Variants in TMEM163 observed in about 807,000 individuals in gnomAD.
The protein encoded by TMEM163 is transmembrane protein 163.
TMEM163 carries 17 observed loss-of-function variants against 29.3 expected under a neutral mutation model. That is an observed-to-expected ratio of 0.58 (90% CI 0.40 to 0.87). The LOEUF is 0.87. TMEM163 is among the 40% of genes least tolerant of loss of function. TMEM163 has a pLI of 0.00. For missense variants in TMEM163, 303 were observed against 381.5 expected, an observed-to-expected ratio of 0.79 and a Z score of 1.71; for synonymous variants, 157 against 160.6, an observed-to-expected ratio of 0.98 and a Z score of 0.17.
chr2:134,657,759 C>T lies in TMEM163; in HGVS notation c.322+55441G>A, dbSNP rs888476993. Reference sequence around the variant, plus strand: ...CGGAGGTTGCAGTGAGCCAAGATCGCGCCATTGCACTCCAGCCTAGGCAAC... The same window carrying T: ...CGGAGGTTGCAGTGAGCCAAGATCGTGCCATTGCACTCCAGCCTAGGCAAC... On this transcript the variant is annotated intron_variant, in intron 2 of 7. Coordinates refer to ENST00000281924, the MANE Select transcript of TMEM163 (RefSeq NM_030923.5). Among the ~76,000 whole-genome samples, 8 of 152,114 alleles carry T rather than the reference C, an allele frequency of 5.3e-5. No homozygotes were observed. The East Asian group carries it at 1.2e-3, about 22-fold the overall frequency.
At chr2:134,516,778 T>TGAATA (rs375773966) in intron 4 of TMEM163, among the ~76,000 whole-genome samples, 1 of 70,730 alleles carries the variant, frequency 1.4e-5, no homozygotes, top group Non-Finnish European at 2.4e-5. Flanking sequence ...TGCATATCTA[T>TGAATA]TCATATATAT....
chr2:134,522,859 CG>C (rs745947077), intron 4 of TMEM163, among the ~76,000 whole-genome samples: 5 of 152,064 alleles, frequency 3.3e-5, no homozygotes, highest in Admixed American at 1.3e-4. Context: ...AAACAAGGGG[CG>C]GGGGGAAAAA....
intron 2 of TMEM163, among the ~76,000 whole-genome samples, chr2:134,568,924 T>C (rs955553909): frequency 6.6e-6 from 1 of 151,958 alleles, no homozygotes; most frequent in Non-Finnish European, 1.5e-5. Context: ...AGAACAAACA[T>C]GAAAGATAAC....
intron 2 of TMEM163, among the ~76,000 whole-genome samples, chr2:134,624,450 G>A (rs1008454243): frequency 6.6e-6 from 1 of 152,120 alleles, no homozygotes; most frequent in Non-Finnish European, 1.5e-5. Flanking sequence ...CACACACTGG[G>A]ATCTATGGAG....
chr2:134,456,894 G>A, intron 7 of TMEM163, 118 bp from the exon 8 acceptor site: 1 of 1,046,074 alleles, frequency 9.6e-7, no homozygotes, highest in Non-Finnish European at 1.4e-6. Flanking sequence ...TTCACCCTAT[G>A]TGGCTCGGTG....
At chr2:134,716,342 T>C (rs1685036913) in intron 1 of TMEM163, among the ~76,000 whole-genome samples, 1 of 152,236 alleles carries the variant, frequency 6.6e-6, no homozygotes, top group Admixed American at 6.5e-5. Flanking sequence ...GTTACTGACA[T>C]TCTGAGCTAG....
intron 4 of TMEM163, among the ~76,000 whole-genome samples, chr2:134,506,024 A>G (rs1023466519): frequency 4.6e-5 from 7 of 152,108 alleles, no homozygotes; most frequent in African/African-American, 1.7e-4. Flanking sequence ...TGGGGATGGG[A>G]GGAGGAAAGA....
chr2:134,714,900 C>T (rs1234393039), intron 1 of TMEM163, among the ~76,000 whole-genome samples: 1 of 152,190 alleles, frequency 6.6e-6, no homozygotes, highest in East Asian at 1.9e-4. Context: ...CCACACTATT[C>T]CAGTTTTCAA....
chr2:134,517,821 A>C (rs1389666508), intron 4 of TMEM163, among the ~76,000 whole-genome samples: 2 of 152,220 alleles, frequency 1.3e-5, no homozygotes, highest in Admixed American at 1.3e-4. Flanking sequence ...TTGCATAACC[A>C]AAATGTAAGA....
intron 2 of TMEM163, among the ~76,000 whole-genome samples, chr2:134,700,438 G>C (rs929997066): frequency 1.3e-5 from 2 of 152,168 alleles, no homozygotes; most frequent in African/African-American, 4.8e-5. Flanking sequence ...CTCTGATGTA[G>C]AGTTCGATTC....
At chr2:134,529,189 C>T (rs781192773) in intron 4 of TMEM163, among the ~76,000 whole-genome samples, 52 of 151,166 alleles carry the variant, frequency 3.4e-4, no homozygotes, top group East Asian at 2.0e-4. Flanking sequence ...AAATTAGCTG[C>T]GCCTGGTGGT....
chr2:134,457,909 T>C, intron 7 of TMEM163, 123 bp downstream of exon 7: 1 of 1,492,554 alleles, frequency 6.7e-7, no homozygotes. Context: ...CTGGTCAGGC[T>C]CAGGAGGGGC....
chr2:134,593,496 C>T (rs920754190), intron 2 of TMEM163, among the ~76,000 whole-genome samples: 1 of 152,166 alleles, frequency 6.6e-6, no homozygotes, highest in African/African-American at 2.4e-5. Flanking sequence ...TAAAAAGGCA[C>T]ATGCCCCGCT....
Position 134,592,494 on chromosome 2 carries a change from T to C in TMEM163, c.323-40403A>G, listed in dbSNP as rs554368714. Reference sequence around the variant, plus strand: ...AGAGTCAGGTTGGAATTTAGTATCTTATGGCCACAAAGAATCTGTTTTGTC... The same window carrying C: ...AGAGTCAGGTTGGAATTTAGTATCTCATGGCCACAAAGAATCTGTTTTGTC... On this transcript the variant is annotated intron_variant, in intron 2 of 7. Coordinates refer to ENST00000281924, the MANE Select transcript of TMEM163 (RefSeq NM_030923.5). 5.9e-5 allele frequency among the ~76,000 whole-genome samples: 9 copies of C among 152,320 alleles called. No homozygotes were observed. The East Asian group carries it at 1.2e-3, about 20-fold the overall frequency.
intron 2 of TMEM163, among the ~76,000 whole-genome samples, chr2:134,700,909 C>CATAA (rs746341374): frequency 0.054 from 3,151 of 58,660 alleles, 49 homozygotes; most frequent in Middle Eastern, 0.12. Context: ...CTCGAAAATA[C>CATAA]ATAAATAAAT....
intron 2 of TMEM163, among the ~76,000 whole-genome samples, chr2:134,695,064 T>C (rs1340675543): frequency 6.6e-6 from 1 of 152,042 alleles, no homozygotes; most frequent in East Asian, 1.9e-4. Context: ...GAGAACTAAA[T>C]GATGGAAAGG....
At chr2:134,700,941 A>AATAAATAAATACATAAATAC (rs371684167) in intron 2 of TMEM163, among the ~76,000 whole-genome samples, 13,978 of 146,318 alleles carry the variant, frequency 0.096, 817 homozygotes, top group Middle Eastern at 0.22. Flanking sequence ...TAAATAAATA[A>AATAAATAAATACATAAATAC]ATAAATAAAG....
intron 5 of TMEM163, among the ~76,000 whole-genome samples, chr2:134,488,687 C>T (rs1000198291): frequency 6.6e-6 from 1 of 152,120 alleles, no homozygotes; most frequent in African/African-American, 2.4e-5. Context: ...ACACACATAT[C>T]CTATTAGTTC....
intron 2 of TMEM163, among the ~76,000 whole-genome samples, chr2:134,708,279 A>G (rs1252392466): frequency 6.6e-6 from 1 of 152,176 alleles, no homozygotes; most frequent in African/African-American, 2.4e-5. Flanking sequence ...CTGTCTCCCA[A>G]TGTGTCTGTC....
Sources: allele counts gnomAD v4.1 joint callset (sites outside exome capture counted in the v4.1 genomes callset), GRCh38; gene constraint gnomAD v4.1.1; transcripts MANE v1.5; gene names NCBI Gene and HGNC (gene_info 2026-07-23, HGNC 2026-07-21).